The following SYNGR1 variants were observed in gnomAD, a reference collection of about 807,000 sequenced individuals.
SYNGR1 encodes synaptogyrin 1.
SYNGR1 carries 14 observed loss-of-function variants against 26.1 expected under a neutral mutation model. The ratio of observed to expected loss-of-function variants is 0.54; its 90% CI spans 0.35 to 0.84. The LOEUF (loss-of-function observed/expected upper bound fraction) is 0.84, where lower values mean the gene tolerates loss of function less well. Among genes scored for constraint, SYNGR1 ranks in the 40% least tolerant of loss-of-function variants. SYNGR1 has a pLI of 0.01. For synonymous variants in SYNGR1, 141 were observed against 150.1 expected (o/e 0.94, Z 0.44); for missense variants, 319 against 332.9 (o/e 0.96, Z 0.33).
chr22:39,363,816 G>C (rs570472693), intron 1 of SYNGR1, among the ~76,000 whole-genome samples: 5 of 152,234 alleles, frequency 3.3e-5, no homozygotes, highest in East Asian at 3.9e-4. Flanking sequence ...GGGCTCCCCC[G>C]AGCCACCCAG....
At chr22:39,359,261 C>T (rs1403557634) in intron 1 of SYNGR1, among the ~76,000 whole-genome samples, 1 of 152,080 alleles carries the variant, frequency 6.6e-6, no homozygotes, top group East Asian at 1.9e-4. Context: ...GAATCTCACA[C>T]CAGCACTGGG....
At chr22:39,366,241 G>T (rs539032636) in intron 1 of SYNGR1, among the ~76,000 whole-genome samples, 1 of 141,574 alleles carries the variant, frequency 7.1e-6, no homozygotes, top group Non-Finnish European at 1.6e-5. Context: ...CACCTACCTC[G>T]GCCTCCCAAA....
intron 3 of SYNGR1, among the ~76,000 whole-genome samples, chr22:39,380,186 G>A (rs1052339877): frequency 1.3e-5 from 2 of 150,100 alleles, no homozygotes; most frequent in Non-Finnish European, 3.0e-5. Flanking sequence ...AAAACGGGGC[G>A]GCTTCAGGCT....
chr22:39,377,412 TG>T, intron 3 of SYNGR1: 1 of 985,268 alleles, frequency 1.0e-6, no homozygotes. Flanking sequence ...GCCCCAGAAG[TG>T]GGGACCACCC....
At chr22:39,358,920 A>G (rs1361256452) in intron 1 of SYNGR1, among the ~76,000 whole-genome samples, 1 of 152,232 alleles carries the variant, frequency 6.6e-6, no homozygotes, top group Non-Finnish European at 1.5e-5. Flanking sequence ...GGCCAGGTGA[A>G]GGGGACCTGG....
rs1347663988 is a variant in SYNGR1, at chr22:39,377,150, C to T, written c.483+953C>T. ...GAGACTCTTGAGGCTACATACAGGC[C>T]GCCAGCCGTCCCTGTTTCCCCCATC... On this transcript the variant is annotated intron_variant, in intron 3 of 3. Coordinates refer to ENST00000328933, the MANE Select transcript of SYNGR1 (RefSeq NM_004711.5). The T allele has an allele frequency of 1.3e-5, 20 of 1,482,268 alleles. No individual in the cohort carries two copies. The East Asian group carries it at 1.5e-4, about 11-fold the overall frequency. 91.8% of individuals were successfully genotyped at this position (1,482,268 alleles called of 1,614,324 possible).
Position 39,385,022 on chromosome 22 carries a change from C to T in SYNGR1, c.*3108C>T. On this transcript the variant is annotated 3_prime_UTR_variant, in exon 4 of 4. Transcript: ENST00000328933. ...AGGGGACTGACGTTAGTTCCCTACT[C>T]CATCCTTCCCTGGTGATTCTTGATC... The T allele has an allele frequency of 2.5e-6, 1 of 398,880 alleles. No homozygotes were observed. Among genetic ancestry groups the T allele is most frequent in the Non-Finnish European group, 4.4e-6 (1 of 226,104 alleles). The allele number at this position is 398,880 out of a possible 1,614,324, so 24.7% of individuals were successfully genotyped here. A position where few individuals can be genotyped will look rare whatever the true frequency, so the allele number is the denominator to read the frequency against.
intron 1 of SYNGR1, among the ~76,000 whole-genome samples, chr22:39,360,284 C>T (rs904468483): frequency 6.6e-6 from 1 of 152,216 alleles, no homozygotes; most frequent in African/African-American, 2.4e-5. Flanking sequence ...TCTTCTGCGT[C>T]AGCTTGCAAA....
chr22:39,357,558 G>C (rs540975751), intron 1 of SYNGR1, among the ~76,000 whole-genome samples: 1,618 of 152,160 alleles, frequency 0.011, 32 homozygotes, highest in African/African-American at 0.037. Context: ...AGCGGGAACC[G>C]GGGCTGCGTG....
chr22:39,374,000 C>T (rs538055671), intron 1 of SYNGR1, among the ~76,000 whole-genome samples: 1 of 152,186 alleles, frequency 6.6e-6, no homozygotes, highest in Non-Finnish European at 1.5e-5. Flanking sequence ...CGGTCCAGTC[C>T]CAGGATATCT....
intron 1 of SYNGR1, among the ~76,000 whole-genome samples, chr22:39,371,266 C>T (rs552204543): frequency 2.0e-5 from 3 of 150,970 alleles, no homozygotes; most frequent in South Asian, 2.1e-4. Context: ...CACCTGAGGT[C>T]GGGAGTTTGA....
At chr22:39,371,512 G>A (rs116624912) in intron 1 of SYNGR1, among the ~76,000 whole-genome samples, 6,159 of 151,654 alleles carry the variant, frequency 0.041, 427 homozygotes, top group African/African-American at 0.14. Flanking sequence ...GTTTCTGGCC[G>A]GGCATGGTGG....
intron 3 of SYNGR1, among the ~76,000 whole-genome samples, 172 bp downstream of exon 3, chr22:39,376,369 A>G (rs1925284685): frequency 6.6e-6 from 1 of 152,100 alleles, no homozygotes; most frequent in African/African-American, 2.4e-5. Context: ...TGCCTCCCTC[A>G]GCAAGGAGGC....
intron 1 of SYNGR1, chr22:39,364,339 C>T (rs201937056): frequency 1.2e-6 from 2 of 1,613,770 alleles, no homozygotes; most frequent in Non-Finnish European, 1.7e-6. Flanking sequence ...GGCAGGGCCT[C>T]TCTGAGCCTT....
intron 1 of SYNGR1, among the ~76,000 whole-genome samples, chr22:39,355,231 G>A (rs1038772662): frequency 6.6e-6 from 1 of 152,200 alleles, no homozygotes; most frequent in Non-Finnish European, 1.5e-5. Context: ...AGGGCAGTGG[G>A]AAGCTGGAGA....
chr22:39,377,093 G>A lies in SYNGR1; in HGVS notation c.483+896G>A, dbSNP rs6001565. 607 of 1,548,510 alleles carry A rather than the reference G, an allele frequency of 3.9e-4. 2 individuals carry two copies. The African/African-American group carries it at 7.1e-3, about 18-fold the overall frequency. On this transcript the variant is annotated intron_variant, in intron 3 of 3. Coordinates refer to ENST00000328933, the MANE Select transcript of SYNGR1 (RefSeq NM_004711.5). The stretch of plus-strand genomic sequence containing the variant: ...CCCACAGCTGCCTCCCCTCTGGACC[G>A]GCGAGCACTTCTGGGCCCAGCCTCC...
intron 3 of SYNGR1, among the ~76,000 whole-genome samples, chr22:39,380,191 C>T (rs1925452601): frequency 1.3e-5 from 2 of 149,188 alleles, no homozygotes; most frequent in Non-Finnish European, 3.0e-5. Context: ...GGGGCGGCTT[C>T]AGGCTAGGCG....
At chr22:39,357,559 G>C (rs1004769397) in intron 1 of SYNGR1, among the ~76,000 whole-genome samples, 6 of 152,052 alleles carry the variant, frequency 3.9e-5, no homozygotes, top group Non-Finnish European at 2.9e-5. Context: ...GCGGGAACCG[G>C]GGCTGCGTGC....
intron 1 of SYNGR1, among the ~76,000 whole-genome samples, chr22:39,368,435 G>T (rs980532994): frequency 1.3e-5 from 2 of 152,202 alleles, no homozygotes; most frequent in Non-Finnish European, 2.9e-5. Context: ...ACCGCCTGGT[G>T]CCCCTCCCAG....
Sources: gnomAD v4.1 joint callset for allele counts (sites outside exome capture counted in the v4.1 genomes callset) on GRCh38, gnomAD v4.1.1 for gene constraint, MANE v1.5 for transcripts, NCBI Gene and HGNC (gene_info 2026-07-23, HGNC 2026-07-21) for gene names.